The following STK3 variants were observed in gnomAD, a reference collection of about 807,000 sequenced individuals.
The protein encoded by STK3 is serine/threonine-protein kinase 3.
Under a neutral mutation model 58.0 loss-of-function variants are expected in STK3, and 41 were observed. The observed-to-expected ratio is 0.71, with a 90% CI of 0.55 to 0.92. The LOEUF is 0.92. Among genes scored for constraint, STK3 ranks in the 40% least tolerant of loss-of-function variants. The probability of loss-of-function intolerance (pLI) is 0.00; values close to 1 mark genes in which losing one functional copy is unlikely to be tolerated. For missense variants in STK3, 479 were observed against 602.7 expected, an observed-to-expected ratio of 0.79 and a Z score of 2.15; for synonymous variants, 170 against 191.0, an observed-to-expected ratio of 0.89 and a Z score of 0.91.
chr8:98,658,840 G>A (rs1729694394), intron 6 of STK3, among the ~76,000 whole-genome samples: 1 of 152,006 alleles, frequency 6.6e-6, no homozygotes, highest in Admixed American at 6.6e-5. Context: ...ATGTCACAGA[G>A]TTAAAAAATG....
At chr8:98,707,028 C>G (rs373602476) in intron 5 of STK3, 119 bp downstream of exon 5, 72 of 1,148,180 alleles carry the variant, frequency 6.3e-5, no homozygotes, top group East Asian at 5.5e-4. Flanking sequence ...TCCTTCTCCA[C>G]AAAAATTAAA....
intron 2 of STK3, among the ~76,000 whole-genome samples, chr8:98,376,650 A>T (rs1278250842): frequency 2.6e-5 from 4 of 152,170 alleles, no homozygotes; most frequent in African/African-American, 7.2e-5. Context: ...TGTTCCATCT[A>T]CTCTAAAGGG....
At chr8:98,550,332 T>C (rs1390575809) in intron 8 of STK3, among the ~76,000 whole-genome samples, 1 of 152,154 alleles carries the variant, frequency 6.6e-6, no homozygotes, top group Non-Finnish European at 1.5e-5. Flanking sequence ...TTCAACTATC[T>C]AATAAGTTGA....
chr8:98,502,453 G>A (rs985532878), intron 10 of STK3, among the ~76,000 whole-genome samples: 3 of 152,148 alleles, frequency 2.0e-5, no homozygotes, highest in Admixed American at 1.3e-4. Flanking sequence ...TTGAATAGGA[G>A]TGGTAAGAGA....
chr8:98,795,935 A>C (rs180825247), intron 1 of STK3, among the ~76,000 whole-genome samples: 2 of 152,352 alleles, frequency 1.3e-5, no homozygotes, highest in East Asian at 3.9e-4. Flanking sequence ...TGCTGAAAGA[A>C]ATCAGAGATG....
At chr8:98,533,574 A>G (rs1003615678) in intron 9 of STK3, among the ~76,000 whole-genome samples, 1 of 151,954 alleles carries the variant, frequency 6.6e-6, no homozygotes, top group Non-Finnish European at 1.5e-5. Flanking sequence ...TGAAGGCTTG[A>G]CCTTCTGGGC....
chr8:98,567,014 A>G (rs756249802), intron 8 of STK3, among the ~76,000 whole-genome samples: 14 of 152,190 alleles, frequency 9.2e-5, no homozygotes, highest in Non-Finnish European at 1.8e-4. Flanking sequence ...TTCATGGGCC[A>G]AAGGTAACCA....
upstream of STK3, among the ~76,000 whole-genome samples, chr8:98,828,348 C>T (rs951694235): frequency 6.7e-6 from 1 of 148,910 alleles, no homozygotes; most frequent in Admixed American, 6.9e-5. Flanking sequence ...ACACCTTCAA[C>T]CCCAACACTT....
At chr8:98,872,102 A>G (rs1405935383) in intron 3 of STK3, among the ~76,000 whole-genome samples, 1 of 152,160 alleles carries the variant, frequency 6.6e-6, no homozygotes, top group Non-Finnish European at 1.5e-5. Flanking sequence ...TGAGATAATC[A>G]TGTGGTTTTT....
chr8:98,422,159 T>A (rs1370216086), intron 3 of STK3, among the ~76,000 whole-genome samples: 2 of 152,176 alleles, frequency 1.3e-5, no homozygotes, highest in Non-Finnish European at 2.9e-5. Context: ...GACTCACCTA[T>A]AAAACAAATT....
downstream of STK3, among the ~76,000 whole-genome samples, chr8:98,452,318 A>G (rs890392061): frequency 2.0e-5 from 3 of 152,248 alleles, no homozygotes; most frequent in African/African-American, 7.2e-5. Flanking sequence ...TGTCTGACAT[A>G]TAGTAAGTGC....
At chr8:98,417,475 C>G (rs1484291040) in intron 3 of STK3, among the ~76,000 whole-genome samples, 4 of 152,102 alleles carry the variant, frequency 2.6e-5, no homozygotes, top group Admixed American at 2.6e-4. Flanking sequence ...GATTGTGCCA[C>G]TGCACTCCAG....
At chr8:98,597,376 C>A (rs1176690088) in intron 6 of STK3, 1 of 984,596 alleles carries the variant, frequency 1.0e-6, no homozygotes, top group Non-Finnish European at 1.2e-6. Context: ...AACGTAAATT[C>A]TTTAATAGAT....
At chr8:98,795,079 CAAAAA>C (rs35865316) in intron 1 of STK3, among the ~76,000 whole-genome samples, 60 of 13,342 alleles carry the variant, frequency 4.5e-3, no homozygotes, top group Non-Finnish European at 5.7e-3. Flanking sequence ...AACTCCGTCG[CAAAAA>C]AAAAAAAAAA....
At chr8:98,467,651 T>G (rs1820587246) in intron 10 of STK3, among the ~76,000 whole-genome samples, 1 of 152,102 alleles carries the variant, frequency 6.6e-6, no homozygotes, top group Non-Finnish European at 1.5e-5. Context: ...TTTTTCAGCA[T>G]GTTTAATTAA....
At chr8:98,477,052 C>T (rs1035589871) in intron 10 of STK3, among the ~76,000 whole-genome samples, 1 of 152,212 alleles carries the variant, frequency 6.6e-6, no homozygotes, top group Admixed American at 6.5e-5. Flanking sequence ...TTCTTATCAT[C>T]AAGGACGGGA....
At chr8:98,695,709 T>TCTGTTTTGGTACCAGTACCATG (rs1270732410) in intron 6 of STK3, among the ~76,000 whole-genome samples, 6 of 152,150 alleles carry the variant, frequency 3.9e-5, no homozygotes, top group African/African-American at 1.2e-4. Context: ...GATCTATATC[T>TCTGTTTTGGTACCAGTACCATG]CTGTTTTGGT....
At chr8:98,774,990 T>C (rs904221187) in intron 1 of STK3, among the ~76,000 whole-genome samples, 171 bp from the exon 2 acceptor site, 10 of 152,176 alleles carry the variant, frequency 6.6e-5, no homozygotes, top group Non-Finnish European at 1.5e-4. Context: ...CTGTTCCTCA[T>C]GTGCCCAGCA....
chr8:98,502,781 T>A (rs1381523782), intron 10 of STK3, among the ~76,000 whole-genome samples: 1 of 152,206 alleles, frequency 6.6e-6, no homozygotes, highest in Non-Finnish European at 1.5e-5. Flanking sequence ...ATAAGCTTTT[T>A]GATGTGTTGC....
Sources: gnomAD v4.1 joint callset for allele counts (sites outside exome capture counted in the v4.1 genomes callset) on GRCh38, gnomAD v4.1.1 for gene constraint, MANE v1.5 for transcripts, NCBI Gene and HGNC (gene_info 2026-07-23, HGNC 2026-07-21) for gene names.